PTMA: variants seen among roughly 807,000 people sequenced by gnomAD.
PTMA encodes the protein gene sequence 28.
A neutral mutation model predicts 16.9 loss-of-function variants in PTMA; 4 were observed. The observed-to-expected ratio is 0.24, with a 90% CI of 0.12 to 0.54. PTMA has a LOEUF of 0.54. Ranked by LOEUF, PTMA falls within the 20% of genes least tolerant of loss-of-function variation. The probability of loss-of-function intolerance (pLI) is 0.95; values close to 1 mark genes in which losing one functional copy is unlikely to be tolerated. For synonymous variants in PTMA, 58 were observed against 47.9 expected (o/e 1.21, Z -0.87); for missense variants, 120 against 137.7 (o/e 0.87, Z 0.64).
intron 2 of PTMA, 188 bp from the exon 3 acceptor site, chr2:231,711,701 CA>C (rs2048520646): frequency 9.3e-7 from 1 of 1,076,368 alleles, no homozygotes; most frequent in Non-Finnish European, 1.3e-6. Flanking sequence ...TGTCCTGGGG[CA>C]GTTAATGTGC....
chr2:231,708,866 C>T (rs569605241), intron 1 of PTMA, 115 bp downstream of exon 1: 1 of 1,275,628 alleles, frequency 7.8e-7, no homozygotes. Flanking sequence ...CGCGGGGAAA[C>T]GGCCCGCCCC....
Position 231,708,596 on chromosome 2 carries a change from TCCGCCGCGCGCCTCCTCCG to T in PTMA, c.-102_-84del. The T allele has an allele frequency of 7.1e-7, 1 of 1,399,012 alleles. No homozygotes were observed. Among genetic ancestry groups the T allele is most frequent in the Non-Finnish European group, 1.0e-6 (1 of 1,003,858 alleles). 86.7% of individuals were successfully genotyped at this position (1,399,012 alleles called of 1,614,324 possible). On this transcript the variant is annotated 5_prime_UTR_variant, in exon 1 of 5. Transcript: ENST00000409115. ...CGCCTCCTTGCTCGCCGCAGCCGCCTCCGCCGCGCGCCTCCTCCGCCGCCGCGGACTCCGGCAGCTTTAT... is the reference window on the plus strand; with the variant it reads ...CGCCTCCTTGCTCGCCGCAGCCGCCTCCGCCGCGGACTCCGGCAGCTTTAT...
chr2:231,711,424 GTGTC>G lies in PTMA; in HGVS notation c.117+8_117+11del. On this transcript the variant is annotated splice_donor_region_variant and intron_variant, in intron 2 of 4. Coordinates refer to ENST00000409115, the MANE Select transcript of PTMA (RefSeq NM_002823.5). ...GCCCCTGCTAACGGGAATGCTGTGA[GTGTC>G]TGCTTTGCTCCTGAGCCCTGGCAGC... 1 of 1,614,074 alleles carries G rather than the reference GTGTC, an allele frequency of 6.2e-7. No individual in the cohort carries two copies. Among genetic ancestry groups the G allele is most frequent in the Non-Finnish European group, 8.5e-7 (1 of 1,179,906 alleles).
Position 231,712,536 on chromosome 2 carries a change from G to GA in PTMA, c.285+22dup. On this transcript the variant is annotated intron_variant, in intron 4 of 4. Coordinates refer to ENST00000409115, the MANE Select transcript of PTMA (RefSeq NM_002823.5). ...GATGAGGTGGGTTCTGGCTTGAGAA[G>GA]AAGGGGGGTTTGGCATCTGGGTCTC... is the stretch of plus-strand genomic sequence containing the variant. 1 of 1,613,510 alleles carries GA rather than the reference G, an allele frequency of 6.2e-7. No homozygotes were observed. Among genetic ancestry groups the GA allele is most frequent in the Non-Finnish European group, 8.5e-7 (1 of 1,179,442 alleles).
At chr2:231,709,910 G>A (rs187499685) in intron 1 of PTMA, 8 of 409,538 alleles carry the variant, frequency 2.0e-5, no homozygotes, top group African/African-American at 1.2e-4. Flanking sequence ...ACTCTCCCAG[G>A]GGCGACTTCT....
intron 3 of PTMA, 94 bp downstream of exon 3, chr2:231,712,077 G>A: frequency 6.5e-7 from 1 of 1,537,958 alleles, no homozygotes; most frequent in South Asian, 1.2e-5. Context: ...CCTGGGAGTG[G>A]GACAATGGTA....
At chr2:231,712,406 G>A in intron 3 of PTMA, 37 bp from the exon 4 acceptor site, 1 of 1,589,974 alleles carries the variant, frequency 6.3e-7, no homozygotes, top group South Asian at 1.1e-5. Context: ...CACAGTAGGA[G>A]GGAAGTGTGG....
At chr2:231,711,546 C>A in intron 2 of PTMA, 127 bp downstream of exon 2, 1 of 893,420 alleles carries the variant, frequency 1.1e-6, no homozygotes, top group East Asian at 2.6e-5. Flanking sequence ...GTGGCAGTAT[C>A]GTAGCCAATG....
chr2:231,709,288 T>C (rs1009443104), intron 1 of PTMA, among the ~76,000 whole-genome samples: 4 of 151,990 alleles, frequency 2.6e-5, no homozygotes, highest in Admixed American at 1.3e-4. Flanking sequence ...TAAGTCCCGA[T>C]AAGGCGGATG....
chr2:231,710,579 A>T (rs371327509), intron 1 of PTMA: 2 of 529,428 alleles, frequency 3.8e-6, no homozygotes, highest in Non-Finnish European at 3.5e-6. Context: ...CGGACGCCGG[A>T]CCTCTGTTGG....
At chr2:231,709,915 A>G in intron 1 of PTMA, 1 of 435,744 alleles carries the variant, frequency 2.3e-6, no homozygotes, top group Non-Finnish European at 3.6e-6. Context: ...CCCAGGGGCG[A>G]CTTCTTGGCA....
rs2048520239 is a variant in PTMA at position 231,711,660 on chromosome 2, T to G, written c.118-230T>G. ...CAGAGGAGACTCCGGTAGTCTGAGTTTGGGCTTGGCCCAGGGTGGGGAAAA... is the reference window on the plus strand; with the variant it reads ...CAGAGGAGACTCCGGTAGTCTGAGTGTGGGCTTGGCCCAGGGTGGGGAAAA... On this transcript the variant is annotated intron_variant, in intron 2 of 4. Coordinates refer to ENST00000409115, the MANE Select transcript of PTMA (RefSeq NM_002823.5). 4.9e-6 allele frequency: 4 copies of G among 815,570 alleles called. No homozygotes were observed. The South Asian group carries it at 7.6e-5, about 15-fold the overall frequency. The allele number at this position is 815,570 out of a possible 1,614,324, so 50.5% of individuals were successfully genotyped here.
At chr2:231,710,241 C>T in intron 1 of PTMA, 3 of 1,337,656 alleles carry the variant, frequency 2.2e-6, no homozygotes, top group Non-Finnish European at 2.9e-6. Flanking sequence ...GCCCGGCCGA[C>T]CGACGCGCGA....
Position 231,708,703 on chromosome 2 carries a change from C to T in PTMA, c.-4C>T. The T allele has an allele frequency of 6.2e-7, 1 of 1,603,024 alleles. No homozygotes were observed. Among genetic ancestry groups the T allele is most frequent in the Non-Finnish European group, 8.5e-7 (1 of 1,179,634 alleles). On this transcript the variant is annotated 5_prime_UTR_variant, in exon 1 of 5. Transcript: ENST00000409115. Reference sequence around the variant, plus strand: ...CCTGCATCGGATCACCGGCGTGCCCCACCATGTCAGACGCAGCCGTAGACA... The same window carrying T: ...CCTGCATCGGATCACCGGCGTGCCCTACCATGTCAGACGCAGCCGTAGACA...
chr2:231,711,687 C>T (rs2048520533), intron 2 of PTMA: 1 of 996,780 alleles, frequency 1.0e-6, no homozygotes, highest in Non-Finnish European at 1.4e-6. Flanking sequence ...TGGGGAAAAG[C>T]CCTTGTCCTG....
chr2:231,712,186 C>T (rs760998178), intron 3 of PTMA, among the ~76,000 whole-genome samples: 3 of 152,154 alleles, frequency 2.0e-5, no homozygotes, highest in Admixed American at 6.5e-5. Context: ...CACACTCACT[C>T]GCACACCTGA....
At chr2:231,708,882 C>A in intron 1 of PTMA, 131 bp downstream of exon 1, 1 of 1,149,410 alleles carries the variant, frequency 8.7e-7, no homozygotes, top group Non-Finnish European at 1.2e-6. Context: ...GCCCCCGGCG[C>A]GGTGCCCTCA....
chr2:231,712,538 A>AG, intron 4 of PTMA, 22 bp downstream of exon 4: 12 of 1,613,258 alleles, frequency 7.4e-6, no homozygotes, highest in South Asian at 1.1e-5. Context: ...CTTGAGAAGA[A>AG]GGGGGGTTTG....
intron 1 of PTMA, among the ~76,000 whole-genome samples, chr2:231,709,623 C>T (rs542683433): frequency 1.4e-4 from 22 of 152,276 alleles, no homozygotes; most frequent in African/African-American, 5.3e-4. Flanking sequence ...ATGGTAGGGT[C>T]GAACTGGGGG....
Sources: allele counts gnomAD v4.1 joint callset (sites outside exome capture counted in the v4.1 genomes callset), GRCh38; gene constraint gnomAD v4.1.1; transcripts MANE v1.5; gene names NCBI Gene and HGNC (gene_info 2026-07-23, HGNC 2026-07-21).